PCDHGA6: variants seen among roughly 807,000 people sequenced by gnomAD.
PCDHGA6 encodes protocadherin gamma-A6.
Under a neutral mutation model 60.6 loss-of-function variants are expected in PCDHGA6, and 41 were observed. The ratio of observed to expected loss-of-function variants is 0.68; its 90% confidence interval spans 0.53 to 0.88. The LOEUF is 0.88. Ranked by LOEUF, PCDHGA6 falls within the 40% of genes least tolerant of loss-of-function variation. The pLI, the probability that PCDHGA6 is intolerant of heterozygous loss-of-function variation, is 0.00. For missense variants in PCDHGA6, 1,312 were observed against 1,203.0 expected (o/e 1.09, Z -1.34); for synonymous variants, 594 against 524.4 (o/e 1.13, Z -1.81).
chr5:141,423,184 C>G (rs747938944), intron 1 of PCDHGA6: 3 of 1,613,560 alleles, frequency 1.9e-6, no homozygotes, highest in Non-Finnish European at 2.5e-6. Context: ...CCACGGCCAG[C>G]CCCCTCTCTC....
intron 1 of PCDHGA6, chr5:141,430,857 A>C (rs748992376): frequency 1.9e-6 from 3 of 1,591,316 alleles, no homozygotes; most frequent in Non-Finnish European, 2.6e-6. Flanking sequence ...CAGATACGCT[A>C]TTCAGTTCCG....
At position 141,486,112 on chromosome 5, in the gene PCDHGA6, G is replaced by A; in HGVS notation, c.2425-8695G>A. ...TGGGGCCCCTAGACTTTGAGAGTGA[G>A]AATTACTATGAATTTGATGTGCGGG... On this transcript the variant is annotated intron_variant, in intron 1 of 3. Transcript: ENST00000517434. This position sits in a 1 kb window ranked among gnomAD's most constrained non-coding sequence, Gnocchi z 5.0. 1 of 1,614,166 alleles carries A rather than the reference G, an allele frequency of 6.2e-7. No homozygotes were observed. Among genetic ancestry groups the A allele is most frequent in the Non-Finnish European group, 8.5e-7 (1 of 1,180,024 alleles).
intron 1 of PCDHGA6, chr5:141,389,125 C>T: frequency 6.2e-7 from 1 of 1,614,004 alleles, no homozygotes; most frequent in African/African-American, 1.3e-5. Flanking sequence ...GAGCAGAATC[C>T]AGAGTACAAT....
chr5:141,423,777 T>A, intron 1 of PCDHGA6: 1 of 1,159,844 alleles, frequency 8.6e-7, no homozygotes, highest in Non-Finnish European at 1.1e-6. Flanking sequence ...GGCATATATT[T>A]AGTTCATATA....
chr5:141,409,445 A>G, intron 1 of PCDHGA6: 1 of 1,613,988 alleles, frequency 6.2e-7, no homozygotes, highest in Non-Finnish European at 8.5e-7. Context: ...CCGAGAGCAG[A>G]CACCAGAATA....
At position 141,431,270 on chromosome 5, in the gene PCDHGA6, G is replaced by C. The variant is rs369177310; in HGVS notation, c.2424+54763G>C. 1.2e-5 allele frequency: 19 copies of C among 1,613,996 alleles called. No homozygotes were observed. Among genetic ancestry groups the C allele is most frequent in the Non-Finnish European group, 1.5e-5 (18 of 1,180,018 alleles). ...CGGGAAGAACTCTCTGCAGAGCTAC[G>C]AGCTCAGCCCGAACACTCACTTCTC... is the stretch of plus-strand genomic sequence containing the variant. On this transcript the variant is annotated intron_variant, in intron 1 of 3. Coordinates refer to ENST00000517434, the MANE Select transcript of PCDHGA6 (RefSeq NM_018919.3). This position sits in a 1 kb window ranked among gnomAD's most constrained non-coding sequence, Gnocchi z 4.8.
At chr5:141,436,324 G>A (rs972756085) in intron 1 of PCDHGA6, among the ~76,000 whole-genome samples, 10 of 152,134 alleles carry the variant, frequency 6.6e-5, no homozygotes, top group African/African-American at 2.4e-4. Flanking sequence ...AAGACTGTTA[G>A]ACCATATCTC....
intron 1 of PCDHGA6, chr5:141,389,630 T>G: frequency 6.2e-7 from 1 of 1,612,990 alleles, no homozygotes; most frequent in South Asian, 1.1e-5. Context: ...CTGCAGAGCC[T>G]GGCTACTTGG....
Position 141,420,738 on chromosome 5 carries a change from T to C in PCDHGA6, c.2424+44231T>C, listed in dbSNP as rs550966989. 1.5e-4 allele frequency among the ~76,000 whole-genome samples: 23 copies of C among 152,358 alleles called. 1 individual carries two copies. In the South Asian group the frequency reaches 4.6e-3, roughly 30 times the overall value. ...GTTCCTTTCAGTCGGTTAAAATCAA[T>C]TGGAACCAACTACAACCTACAAGTT... On this transcript the variant is annotated intron_variant, in intron 1 of 3. Transcript: ENST00000517434.
chr5:141,392,202 T>A (rs534571054), intron 1 of PCDHGA6: 1 of 152,352 alleles, frequency 6.6e-6, no homozygotes, highest in South Asian at 2.1e-4. Context: ...AGTCTCAAGA[T>A]AAATTCATTT....
chr5:141,376,297 G>A lies in PCDHGA6; in HGVS notation c.2214G>A (p.Ser738=), dbSNP rs1283407370. The stretch of plus-strand genomic sequence containing the variant: ...GTGGCTTAGCGAGCATGCCCGGCTC[G>A]CACTTTGTGGGCGTGGAAGGGGTTC... The part of the protein sequence containing the change: ...SGGGLASMPG[S]HFVGVEGVRA... The change falls in exon 1 of 4, where the codon TCG becomes TCA. Residue 738 remains serine (S), a synonymous_variant. Coordinates refer to ENST00000517434, the MANE Select transcript of PCDHGA6 (RefSeq NM_018919.3). The A allele has an allele frequency of 2.5e-6, 4 of 1,614,068 alleles. No individual in the cohort carries two copies. The highest frequency in any genetic ancestry group is 3.3e-5 in the Admixed American group (2 of 60,008).
At position 141,476,873 on chromosome 5, in the gene PCDHGA6, G is replaced by C; in HGVS notation, c.2425-17934G>C. On this transcript the variant is annotated intron_variant, in intron 1 of 3. Coordinates refer to ENST00000517434, the MANE Select transcript of PCDHGA6 (RefSeq NM_018919.3). This position sits in a 1 kb window ranked among gnomAD's most constrained non-coding sequence, Gnocchi z 7.6. ...CAACCAGTCCTTGTACCGGGCGCGC[G>C]TCCTGGAGGATGCACCCTCCGGCAC... 1 of 1,613,936 alleles carries C rather than the reference G, an allele frequency of 6.2e-7. No homozygotes were observed. Among genetic ancestry groups the C allele is most frequent in the South Asian group, 1.1e-5 (1 of 91,088 alleles).
chr5:141,414,624 G>C, intron 1 of PCDHGA6: 1 of 1,613,932 alleles, frequency 6.2e-7, no homozygotes, highest in Non-Finnish European at 8.5e-7. Context: ...CGCTGGACCC[G>C]GACAGCAAAG....
intron 1 of PCDHGA6, among the ~76,000 whole-genome samples, chr5:141,449,520 C>T (rs1384869748): frequency 1.4e-5 from 2 of 144,104 alleles, no homozygotes; most frequent in Non-Finnish European, 1.5e-5. Context: ...ACCTGGGAGG[C>T]GGAGGTTGCA....
At chr5:141,405,708 C>T (rs1328051668) in intron 1 of PCDHGA6, among the ~76,000 whole-genome samples, 2 of 152,164 alleles carry the variant, frequency 1.3e-5, no homozygotes, top group African/African-American at 4.8e-5. Context: ...GAATTCCTAA[C>T]CTCAAGTGAT....
At position 141,511,420 on chromosome 5, in the gene PCDHGA6, G is replaced by A; in HGVS notation, c.*247G>A. On this transcript the variant is annotated 3_prime_UTR_variant, in exon 4 of 4. Coordinates refer to ENST00000517434, the MANE Select transcript of PCDHGA6 (RefSeq NM_018919.3). ...TCCAATCAACTGCTGTACCCATGGG[G>A]GTAGTGGGGTTACTGTAGACACCAA... 2.4e-6 allele frequency: 2 copies of A among 830,862 alleles called. No individual in the cohort carries two copies. Among genetic ancestry groups the A allele is most frequent in the Non-Finnish European group, 1.8e-6 (1 of 557,336 alleles). The allele number at this position is 830,862 out of a possible 1,614,324, so 51.5% of individuals were successfully genotyped here.
intron 2 of PCDHGA6, among the ~76,000 whole-genome samples, chr5:141,504,960 T>C (rs9324851): frequency 0.59 from 89,328 of 151,916 alleles, 27,885 homozygotes; most frequent in African/African-American, 0.8. Context: ...TTCAATGCAT[T>C]GGACCAGCCT....
chr5:141,432,663 G>A lies in PCDHGA6; in HGVS notation c.2424+56156G>A. ...CGCACGGCGCGAGCCCTGCTGGACA[G>A]AGACGCGCTCAAGCAGAGCCTCGTA... On this transcript the variant is annotated intron_variant, in intron 1 of 3. Coordinates refer to ENST00000517434, the MANE Select transcript of PCDHGA6 (RefSeq NM_018919.3). This position sits in a 1 kb window ranked among gnomAD's most constrained non-coding sequence, Gnocchi z 6.0. 1 of 1,613,886 alleles carries A rather than the reference G, an allele frequency of 6.2e-7. No individual in the cohort carries two copies. Among genetic ancestry groups the A allele is most frequent in the Non-Finnish European group, 8.5e-7 (1 of 1,179,952 alleles).
intron 1 of PCDHGA6, among the ~76,000 whole-genome samples, chr5:141,454,649 G>A (rs1202153817): frequency 6.6e-6 from 1 of 151,800 alleles, no homozygotes; most frequent in Non-Finnish European, 1.5e-5. Context: ...CAGGTGATCT[G>A]CCCACCTCGG....
Sources: gnomAD v4.1 joint callset for allele counts (sites outside exome capture counted in the v4.1 genomes callset) on GRCh38, gnomAD v4.1.1 for gene constraint, Gnocchi (gnomAD v3.1) non-coding constraint, MANE v1.5 for transcripts, NCBI Gene and HGNC (gene_info 2026-07-23, HGNC 2026-07-21) for gene names.